The following SPIRE2 variants were observed in gnomAD, a reference collection of about 807,000 sequenced individuals.
SPIRE2 encodes spire type actin nucleation factor 2, also known as protein spire homolog 2.
Under a neutral mutation model 80.7 loss-of-function variants are expected in SPIRE2, and 76 were observed. That is an observed-to-expected ratio of 0.94 (90% CI 0.78 to 1.14). SPIRE2 has a LOEUF of 1.14. SPIRE2 is among the 50% of genes most tolerant of loss of function. The pLI, the probability that SPIRE2 is intolerant of heterozygous loss-of-function variation, is 0.00. For missense variants in SPIRE2, 1,196 were observed against 1,015.3 expected (o/e 1.18, Z -2.42); for synonymous variants, 535 against 432.6 (o/e 1.24, Z -2.94).
At chr16:89,840,704 C>T (rs1407332552) in intron 1 of SPIRE2, among the ~76,000 whole-genome samples, 13 of 146,666 alleles carry the variant, frequency 8.9e-5, no homozygotes, top group South Asian at 2.1e-4. Context: ...GGCGCAATCT[C>T]GGCTCACTGC....
intron 1 of SPIRE2, 118 bp from the exon 2 acceptor site, chr16:89,845,204 T>G (rs1346060658): frequency 1.2e-5 from 11 of 906,234 alleles, no homozygotes; most frequent in Non-Finnish European, 1.6e-5. Context: ...AGCTTTCTGG[T>G]GTTCCGGCGG....
rs1469874077 is a variant in SPIRE2, at chr16:89,855,928, A to G, written c.979-185A>G. 5 of 1,146,764 alleles carry G rather than the reference A, an allele frequency of 4.4e-6. No homozygotes were observed. In the East Asian group the frequency reaches 1.3e-4, roughly 30 times the overall value. 71.0% of individuals were successfully genotyped at this position (1,146,764 alleles called of 1,614,324 possible). ...GCCATGCCCACCCCACCCCAGGTGCATGCGGAGCCCAGAGCCCCCTGGGAG... is the reference window on the plus strand; with the variant it reads ...GCCATGCCCACCCCACCCCAGGTGCGTGCGGAGCCCAGAGCCCCCTGGGAG... On this transcript the variant is annotated intron_variant, in intron 6 of 14. Transcript: ENST00000378247.
intron 8 of SPIRE2, among the ~76,000 whole-genome samples, 188 bp from the exon 9 acceptor site, chr16:89,858,977 G>T (rs1443372215): frequency 6.6e-6 from 1 of 152,206 alleles, no homozygotes; most frequent in African/African-American, 2.4e-5. Context: ...GAAGGCCTGG[G>T]GAAGGGCTTG....
In SPIRE2 at chr16:89,828,573, G is replaced by T; in HGVS notation, c.23G>T (p.Gly8Val). MARAGSC[G>V]GAAAGAGRPE... Reference sequence around the variant, plus strand: ...GCCATGGCCCGGGCGGGCAGCTGCGGCGGCGCCGCGGCGGGCGCAGGGCGG... The same window carrying T: ...GCCATGGCCCGGGCGGGCAGCTGCGTCGGCGCCGCGGCGGGCGCAGGGCGG... The change falls in exon 1 of 15, where the codon GGC becomes GTC. Residue 8 changes from glycine to valine, a missense_variant. Transcript: ENST00000378247. This position sits in a 1 kb window ranked among gnomAD's most constrained non-coding sequence, Gnocchi z 5.9. 1.7e-6 allele frequency: 2 copies of T among 1,157,904 alleles called. No homozygotes were observed. Among genetic ancestry groups the T allele is most frequent in the Middle Eastern group, 3.6e-4 (1 of 2,766 alleles). The allele number at this position is 1,157,904 out of a possible 1,614,324, so 71.7% of individuals were successfully genotyped here. A position where few individuals can be genotyped will look rare whatever the true frequency, so the allele number is the denominator to read the frequency against.
intron 6 of SPIRE2, 70 bp downstream of exon 6, chr16:89,855,756 G>T: frequency 6.7e-7 from 1 of 1,486,448 alleles, no homozygotes; most frequent in Non-Finnish European, 9.3e-7. Flanking sequence ...CAGCCTGGGA[G>T]GTGTCCCAGC....
chr16:89,863,925 A>G lies in SPIRE2; in HGVS notation c.1778+64A>G. On this transcript the variant is annotated intron_variant, in intron 12 of 14. Coordinates refer to ENST00000378247, the MANE Select transcript of SPIRE2 (RefSeq NM_032451.2). The surrounding 1 kb of genome is among the most constrained non-coding windows in gnomAD (Gnocchi z 4.3). ...AGGAGGCGAGAAACCTCGGGGCAGT[A>G]CCGCCCACAGAACTTCCTGTGATTC... 1 of 1,279,954 alleles carries G rather than the reference A, an allele frequency of 7.8e-7. No homozygotes were observed. Among genetic ancestry groups the G allele is most frequent in the Non-Finnish European group, 1.1e-6 (1 of 898,168 alleles). 79.3% of individuals were successfully genotyped at this position (1,279,954 alleles called of 1,614,324 possible). A position where few individuals can be genotyped will look rare whatever the true frequency, so the allele number is the denominator to read the frequency against.
At chr16:89,838,271 C>G (rs112976246) in intron 1 of SPIRE2, among the ~76,000 whole-genome samples, 5,288 of 151,448 alleles carry the variant, frequency 0.035, 318 homozygotes, top group African/African-American at 0.12. Flanking sequence ...CAAACTCCAC[C>G]TCCTAGGTTC....
intron 5 of SPIRE2, among the ~76,000 whole-genome samples, chr16:89,855,350 G>A (rs1229460451): frequency 5.3e-5 from 8 of 151,988 alleles, no homozygotes; most frequent in African/African-American, 1.2e-4. Flanking sequence ...CTCCAGATGA[G>A]TCCCAGGTGC....
intron 2 of SPIRE2, among the ~76,000 whole-genome samples, chr16:89,848,045 G>A (rs1225126637): frequency 6.6e-6 from 1 of 152,220 alleles, no homozygotes; most frequent in Non-Finnish European, 1.5e-5. Context: ...CACGAGCTGA[G>A]GCCAGCCCCA....
rs1309935592 is a variant in SPIRE2 at position 89,850,652 on chromosome 16, G to A, written c.637G>A (p.Ala213Thr). The A allele has an allele frequency of 6.9e-7, 1 of 1,445,090 alleles. No homozygotes were observed. Among genetic ancestry groups the A allele is most frequent in the African/African-American group, 1.4e-5 (1 of 69,618 alleles). 89.5% of individuals were successfully genotyped at this position (1,445,090 alleles called of 1,614,324 possible). A position where few individuals can be genotyped will look rare whatever the true frequency, so the allele number is the denominator to read the frequency against. ...LRAFLARVRE[A>T]KEMLQKLRED... ...GGCCTTCCTGGCCAGGGTCCGGGAG[G>A]CCAAGGAGGTGAGCGGTGGGTGGGG... The change falls in exon 3 of 15, where the codon GCC becomes ACC. Residue 213 changes from alanine (A) to threonine (T), a missense_variant. Coordinates refer to ENST00000378247, the MANE Select transcript of SPIRE2 (RefSeq NM_032451.2).
At chr16:89,869,443 A>G in intron 13 of SPIRE2, 124 bp from the exon 14 acceptor site, 1 of 664,864 alleles carries the variant, frequency 1.5e-6, no homozygotes, top group Non-Finnish European at 2.7e-6. Context: ...GGGACAGAGA[A>G]TATTCTCCAG....
chr16:89,868,779 C>T (rs977779798), intron 13 of SPIRE2, among the ~76,000 whole-genome samples: 1 of 151,802 alleles, frequency 6.6e-6, no homozygotes, highest in Non-Finnish European at 1.5e-5. Context: ...TACTTGAACC[C>T]GGGAGGTGGA....
chr16:89,839,557 C>G (rs2041484331), intron 1 of SPIRE2, among the ~76,000 whole-genome samples: 1 of 152,162 alleles, frequency 6.6e-6, no homozygotes, highest in Non-Finnish European at 1.5e-5. Context: ...CCTGTCTGCC[C>G]TGGCCCTGGT....
Position 89,854,378 on chromosome 16 carries a change from T to C in SPIRE2, c.726+12T>C. On this transcript the variant is annotated intron_variant, in intron 4 of 14. Transcript: ENST00000378247. ...GTCACACAGACTGGGTAAGGCTCACTCCCACCTGACCGGGCCACTGACGCG... is the reference window on the plus strand; with the variant it reads ...GTCACACAGACTGGGTAAGGCTCACCCCCACCTGACCGGGCCACTGACGCG... The C allele has an allele frequency of 1.9e-6, 3 of 1,611,974 alleles. No individual in the cohort carries two copies. Among genetic ancestry groups the C allele is most frequent in the Non-Finnish European group, 2.5e-6 (3 of 1,179,608 alleles).
intron 12 of SPIRE2, among the ~76,000 whole-genome samples, chr16:89,865,774 C>G (rs1257921558): frequency 6.6e-6 from 1 of 151,856 alleles, no homozygotes; most frequent in Non-Finnish European, 1.5e-5. Flanking sequence ...CGAGACCATC[C>G]TGGCTAACAC....
chr16:89,852,704 A>C (rs79816141), intron 3 of SPIRE2, among the ~76,000 whole-genome samples: 1 of 43,628 alleles, frequency 2.3e-5, no homozygotes, highest in Non-Finnish European at 3.9e-5. Flanking sequence ...GGATCCCATG[A>C]TCCGTCTTCC....
Position 89,870,178 on chromosome 16 carries a change from G to A in SPIRE2, c.2051G>A (p.Arg684His), listed in dbSNP as rs756774168. ...GTGGCAGACGTGGTGCGTTCCAGCCGCAAGAGCGTGGACGTCCTCAACACT... is the reference window on the plus strand; with the variant it reads ...GTGGCAGACGTGGTGCGTTCCAGCCACAAGAGCGTGGACGTCCTCAACACT... The part of the protein sequence containing the change: ...SFVADVVRSS[R>H]KSVDVLNTTP... The change falls in exon 15 of 15, where the codon CGC (arginine) becomes CAC (histidine). Residue 684 changes from arginine to histidine, a missense_variant. By Grantham distance (29) the Arg-to-His change is conservative. Transcript: ENST00000378247. The A allele has an allele frequency of 6.2e-6, 10 of 1,610,008 alleles. No individual in the cohort carries two copies. The highest frequency in any genetic ancestry group is 2.7e-5 in the African/African-American group (2 of 74,958).
chr16:89,863,681 C>T lies in SPIRE2; in HGVS notation c.1710+71C>T, dbSNP rs2041764136. 1 of 1,612,132 alleles carries T rather than the reference C, an allele frequency of 6.2e-7. No homozygotes were observed. The highest frequency in any genetic ancestry group is 8.5e-7 in the Non-Finnish European group (1 of 1,178,388). Reference sequence around the variant, plus strand: ...GGGGCGGGTGCCGAGAGGGCCAGTTCCCAGGACTGTTTGCTCATGATCTGG... The same window carrying T: ...GGGGCGGGTGCCGAGAGGGCCAGTTTCCAGGACTGTTTGCTCATGATCTGG... On this transcript the variant is annotated intron_variant, in intron 11 of 14. Transcript: ENST00000378247. The surrounding 1 kb of genome is among the most constrained non-coding windows in gnomAD (Gnocchi z 4.3).
At chr16:89,840,245 CTTTTTTTTTT>C (rs778083127) in intron 1 of SPIRE2, among the ~76,000 whole-genome samples, 1 of 133,272 alleles carries the variant, frequency 7.5e-6, no homozygotes, top group Admixed American at 7.8e-5. Flanking sequence ...AACCTGTCAT[CTTTTTTTTTT>C]TTTTTTTTTT....
Sources: gnomAD v4.1 joint callset for allele counts (sites outside exome capture counted in the v4.1 genomes callset) on GRCh38, gnomAD v4.1.1 for gene constraint, Gnocchi (gnomAD v3.1) non-coding constraint, MANE v1.5 for transcripts, NCBI Gene and HGNC (gene_info 2026-07-23, HGNC 2026-07-21) for gene names.